CRLF3: variants seen among roughly 807,000 people sequenced by gnomAD.
CRLF3 encodes cytokine receptor like factor 3, also known as cytokine receptor-like factor 3.
CRLF3 carries 33 observed loss-of-function variants against 55.0 expected under a neutral mutation model. The ratio of observed to expected loss-of-function variants is 0.60; its 90% CI spans 0.46 to 0.80. The LOEUF is 0.80. Among genes scored for constraint, CRLF3 ranks in the 30% least tolerant of loss-of-function variants. The pLI is 0.00. For missense variants in CRLF3, 494 were observed against 538.4 expected, an observed-to-expected ratio of 0.92 and a Z score of 0.82; for synonymous variants, 238 against 196.8, an observed-to-expected ratio of 1.21 and a Z score of -1.75.
intron 7 of CRLF3, among the ~76,000 whole-genome samples, chr17:30,785,321 C>T (rs1410713014): frequency 4.0e-5 from 6 of 151,886 alleles, no homozygotes; most frequent in Non-Finnish European, 4.4e-5. Flanking sequence ...GTGATTTGCC[C>T]GCCTTGGCCT....
At chr17:30,797,460 A>G in intron 2 of CRLF3, 62 bp from the exon 3 acceptor site, 2 of 1,345,392 alleles carry the variant, frequency 1.5e-6, no homozygotes, top group Non-Finnish European at 2.1e-6. Context: ...TAATCAACAC[A>G]ACTCATGTCT....
chr17:30,818,898 CTCCATCTCCCAG>C (rs2142275480), intron 1 of CRLF3, among the ~76,000 whole-genome samples: 1 of 152,010 alleles, frequency 6.6e-6, no homozygotes, highest in African/African-American at 2.4e-5. Flanking sequence ...TCACTGCAAC[CTCCATCTCCCAG>C]GTATAAGCAA....
chr17:30,788,933 C>G (rs1489801186), intron 6 of CRLF3, among the ~76,000 whole-genome samples: 2 of 151,984 alleles, frequency 1.3e-5, no homozygotes, highest in African/African-American at 4.8e-5. Context: ...AGTATAGTCT[C>G]CCTTCTAACT....
chr17:30,811,859 C>G (rs1907030422), intron 1 of CRLF3, among the ~76,000 whole-genome samples: 1 of 147,968 alleles, frequency 6.8e-6, no homozygotes, highest in Non-Finnish European at 1.5e-5. Context: ...GCCTGTAACC[C>G]TTGCACTTTG....
At chr17:30,785,666 C>T (rs941234988) in intron 7 of CRLF3, among the ~76,000 whole-genome samples, 5 of 151,642 alleles carry the variant, frequency 3.3e-5, no homozygotes, top group African/African-American at 4.8e-5. Context: ...CCTGTAGTCC[C>T]GGCTACTCAG....
At position 30,793,544 on chromosome 17, in the gene CRLF3, A is replaced by G; in HGVS notation, c.732T>C (p.Asp244=). The G allele has an allele frequency of 6.2e-7, 1 of 1,613,788 alleles. No homozygotes were observed. Among genetic ancestry groups the G allele is most frequent in the Non-Finnish European group, 8.5e-7 (1 of 1,179,750 alleles). The change falls in exon 5 of 8, where the codon GAT becomes GAC. Residue 244 remains aspartate, a synonymous_variant. Transcript: ENST00000324238. ...CTCGGGCGCAGACTCTGAACTGGTA[A>G]TCAACGTTGGGGTCTATGTGCAATA... is the stretch of plus-strand genomic sequence containing the variant. ...FIVLHIDPNV[D]YQFRVCARGD...
chr17:30,816,347 T>C, intron 1 of CRLF3, among the ~76,000 whole-genome samples: 1 of 150,378 alleles, frequency 6.6e-6, no homozygotes, highest in East Asian at 1.9e-4. Flanking sequence ...CAAAAACCAA[T>C]GTAAATATGT....
At chr17:30,821,054 CA>C (rs534072435) in intron 1 of CRLF3, among the ~76,000 whole-genome samples, 25,624 of 131,604 alleles carry the variant, frequency 0.19, 2,308 homozygotes, top group African/African-American at 0.24. Context: ...GACTCTGGCT[CA>C]AAAAAAAAAA....
At chr17:30,799,227 C>T (rs1248956123) in intron 2 of CRLF3, among the ~76,000 whole-genome samples, 3 of 152,134 alleles carry the variant, frequency 2.0e-5, no homozygotes, top group Non-Finnish European at 2.9e-5. Flanking sequence ...AAGCTGAGAT[C>T]GTGCCACTGC....
At chr17:30,814,143 G>C (rs142390350) in intron 1 of CRLF3, among the ~76,000 whole-genome samples, 52 of 152,222 alleles carry the variant, frequency 3.4e-4, no homozygotes, top group Middle Eastern at 3.4e-3. Context: ...TGTAATCCCA[G>C]ATACTCGGGA....
chr17:30,797,191 T>C (rs1025684997), intron 3 of CRLF3, 120 bp downstream of exon 3: 58 of 781,938 alleles, frequency 7.4e-5, no homozygotes, highest in Non-Finnish European at 1.2e-4. Context: ...ACGCATGGTC[T>C]GAAAACCTTG....
intron 2 of CRLF3, among the ~76,000 whole-genome samples, chr17:30,798,793 C>T (rs1462804451): frequency 6.6e-6 from 1 of 151,914 alleles, no homozygotes; most frequent in Non-Finnish European, 1.5e-5. Flanking sequence ...GAGCCAAGAT[C>T]GTGCCACTGC....
chr17:30,787,554 G>A (rs2142241970), intron 6 of CRLF3: 1 of 146,224 alleles, frequency 6.8e-6, no homozygotes, highest in South Asian at 2.3e-4. Flanking sequence ...AAATTAGTGT[G>A]AAACAAAATG....
Position 30,824,549 on chromosome 17 carries a change from C to T in CRLF3, c.103G>A (p.Glu35Lys), listed in dbSNP as rs543794061. ...TGCCTCCGCGCCTCACGCAGCCCCT[C>T]AAGCCGGTGACCCAGCTCCCGCCGG... ...SYRRELGHRL[E>K]GLREARRQIK... Residue 35 changes from glutamate to lysine, a missense_variant, in exon 1 of 8, where the codon GAG becomes AAG. Physicochemically the swap from Glu to Lys is moderately conservative, Grantham distance 56. Transcript: ENST00000324238. 10 of 1,595,988 alleles carry T rather than the reference C, an allele frequency of 6.3e-6. No homozygotes were observed. The East Asian group carries it at 2.1e-4, about 33-fold the overall frequency.
chr17:30,784,306 C>T lies in CRLF3; in HGVS notation c.1210G>A (p.Val404Ile), dbSNP rs767602957. The change falls in exon 8 of 8, where the codon GTA (valine) becomes ATA (isoleucine). Residue 404 changes from valine (V) to isoleucine (I), a missense_variant. Transcript: ENST00000324238. ...NNEGGHFKLR[V>I]TISSNNREVV... ...TCTCTATTATTTGAACTTATAGTTA[C>T]TCGAAGCTTGAAGTGTCCACCTTCA... 7 of 1,614,172 alleles carry T rather than the reference C, an allele frequency of 4.3e-6. No homozygotes were observed. Among genetic ancestry groups the T allele is most frequent in the South Asian group, 3.3e-5 (3 of 91,084 alleles).
chr17:30,814,735 C>T (rs1904732053), intron 1 of CRLF3, among the ~76,000 whole-genome samples: 1 of 151,864 alleles, frequency 6.6e-6, no homozygotes, highest in Non-Finnish European at 1.5e-5. Context: ...GGCATGGTGG[C>T]TCATGCCTGT....
rs180799147 is a variant in CRLF3, at chr17:30,813,518, G to C, written c.130-9410C>G. Among the ~76,000 whole-genome samples, 280 of 152,236 alleles carry C rather than the reference G, an allele frequency of 1.8e-3. 1 individual carries two copies. The highest frequency in any genetic ancestry group is 6.4e-3 in the African/African-American group (266 of 41,536). ...ATAAGTTGTCAGTTGGAGGAGCAGG[G>C]GATGTCACCTTGAATAACAATAATA... On this transcript the variant is annotated intron_variant, in intron 1 of 7. Coordinates refer to ENST00000324238, the MANE Select transcript of CRLF3 (RefSeq NM_015986.4).
Position 30,824,687 on chromosome 17 carries a change from C to T in CRLF3, c.-36G>A, listed in dbSNP as rs3752019. On this transcript the variant is annotated 5_prime_UTR_variant, in exon 1 of 8. Coordinates refer to ENST00000324238, the MANE Select transcript of CRLF3 (RefSeq NM_015986.4). ...GGCCGGCGAAACCTAGCGCGGGTTC[C>T]CGACTGCACCGGGCGCCTCCAAGCG... 197,751 of 1,562,080 alleles carry T rather than the reference C, an allele frequency of 0.13. 13,807 individuals are homozygous for T. The highest frequency in any genetic ancestry group is 0.25 in the South Asian group (21,750 of 87,312).
At chr17:30,805,259 G>C (rs1904360089) in intron 1 of CRLF3, among the ~76,000 whole-genome samples, 1 of 151,974 alleles carries the variant, frequency 6.6e-6, no homozygotes. Context: ...ACTACAGTGG[G>C]TAAAATAAAT....
Sources: allele counts gnomAD v4.1 joint callset (sites outside exome capture counted in the v4.1 genomes callset), GRCh38; gene constraint gnomAD v4.1.1; transcripts MANE v1.5; gene names NCBI Gene and HGNC (gene_info 2026-07-23, HGNC 2026-07-21).